The following DNASE1 variants were observed in gnomAD, a reference collection of about 807,000 sequenced individuals.
DNASE1 encodes deoxyribonuclease-1.
DNASE1 carries 40 observed loss-of-function variants against 33.9 expected under a neutral mutation model. The ratio of observed to expected loss-of-function variants is 1.18; its 90% CI spans 0.92 to 1.54. DNASE1 has a LOEUF of 1.54. DNASE1 is among the 40% of genes most tolerant of loss of function. The pLI is 0.00. For synonymous variants in DNASE1, 216 were observed against 160.0 expected (o/e 1.35, Z -2.64); for missense variants, 518 against 372.6 (o/e 1.39, Z -3.21).
Position 3,657,893 on chromosome 16 carries a change from C to T in DNASE1, c.802-13C>T. ...GTAGGCTCAGCCCAGACCCTGTGCCCACTTGCCTGCAGGCCCAAGCCATCA... is the reference window on the plus strand; with the variant it reads ...GTAGGCTCAGCCCAGACCCTGTGCCTACTTGCCTGCAGGCCCAAGCCATCA... On this transcript the variant is annotated splice_polypyrimidine_tract_variant and intron_variant, in intron 8 of 8. Coordinates refer to ENST00000246949, the MANE Select transcript of DNASE1 (RefSeq NM_005223.4). 1.9e-6 allele frequency: 3 copies of T among 1,614,022 alleles called. No individual in the cohort carries two copies. The highest frequency in any genetic ancestry group is 1.1e-5 in the South Asian group (1 of 91,080).
chr16:3,640,042 T>C (rs939360114), upstream of DNASE1, among the ~76,000 whole-genome samples: 1 of 152,190 alleles, frequency 6.6e-6, no homozygotes, highest in Non-Finnish European at 1.5e-5. Context: ...CAGTGCTGCT[T>C]TAGTCTGCAG....
Position 3,655,537 on chromosome 16 carries a change from C to G in DNASE1, c.147+17C>G. ...ATTGTGCAGGTGAGGCCAGGGCAGC[C>G]TCCCCCCAAAAGCAGAGGAGCTCTG... is the stretch of plus-strand genomic sequence containing the variant. On this transcript the variant is annotated intron_variant, in intron 2 of 8. Transcript: ENST00000246949. 6.2e-7 allele frequency: 1 copy of G among 1,613,944 alleles called. No individual in the cohort carries two copies. The highest frequency in any genetic ancestry group is 8.5e-7 in the Non-Finnish European group (1 of 1,180,022).
chr16:3,648,043 C>G (rs777138338), intron 1 of DNASE1, among the ~76,000 whole-genome samples: 1 of 152,136 alleles, frequency 6.6e-6, no homozygotes, highest in East Asian at 1.9e-4. Context: ...TGGCGCACAT[C>G]CGTAATCCCA....
intron 1 of DNASE1, among the ~76,000 whole-genome samples, chr16:3,635,882 G>A (rs1370457128): frequency 6.6e-6 from 1 of 152,004 alleles, no homozygotes; most frequent in Admixed American, 6.5e-5. Context: ...GTAGTTTATT[G>A]TATGCTTACA....
At chr16:3,657,548 C>T (rs957094057) in intron 7 of DNASE1, among the ~76,000 whole-genome samples, 172 bp from the exon 8 acceptor site, 7 of 152,172 alleles carry the variant, frequency 4.6e-5, no homozygotes, top group Admixed American at 4.6e-4. Context: ...GAGGCAGACA[C>T]CTAGGCTGTC....
At chr16:3,622,096 T>C (rs1241350941) in intron 1 of DNASE1, among the ~76,000 whole-genome samples, 3 of 151,808 alleles carry the variant, frequency 2.0e-5, no homozygotes, top group African/African-American at 7.3e-5. Context: ...GGCGCACCCC[T>C]GTAATTCCAG....
downstream of DNASE1, chr16:3,661,956 C>A: frequency 6.4e-7 from 1 of 1,564,224 alleles, no homozygotes; most frequent in Non-Finnish European, 8.7e-7. Context: ...GGGAATCCCA[C>A]AGGCTGGAAG....
chr16:3,632,666 A>C (rs1211229650), intron 1 of DNASE1, among the ~76,000 whole-genome samples: 1 of 150,864 alleles, frequency 6.6e-6, no homozygotes, highest in Non-Finnish European at 1.5e-5. Context: ...GCTCCCTGCA[A>C]CCTCCAACTC....
chr16:3,655,389 C>G lies in DNASE1; in HGVS notation c.16C>G (p.Leu6Val). 1 of 1,614,146 alleles carries G rather than the reference C, an allele frequency of 6.2e-7. No individual in the cohort carries two copies. The highest frequency in any genetic ancestry group is 8.5e-7 in the Non-Finnish European group (1 of 1,180,016). MRGMK[L>V]LGALLALAAL... is the part of the protein sequence containing the mutation. ...CTCTCCCAGGATGAGGGGCATGAAGCTGCTGGGGGCGCTGCTGGCACTGGC... is the reference window on the plus strand; with the variant it reads ...CTCTCCCAGGATGAGGGGCATGAAGGTGCTGGGGGCGCTGCTGGCACTGGC... Residue 6 changes from leucine (L) to valine (V), a missense_variant, in exon 2 of 9, where the codon CTG becomes GTG. Leu to Val is a conservative substitution (Grantham distance 32). Transcript: ENST00000246949.
At chr16:3,621,789 A>G (rs1489010448) in intron 1 of DNASE1, among the ~76,000 whole-genome samples, 1 of 152,234 alleles carries the variant, frequency 6.6e-6, no homozygotes, top group East Asian at 1.9e-4. Context: ...CTAATGGTGC[A>G]TTGAACATAC....
At chr16:3,617,308 A>G (rs1444162412) in intron 1 of DNASE1, among the ~76,000 whole-genome samples, 1 of 143,760 alleles carries the variant, frequency 7.0e-6, no homozygotes, top group Non-Finnish European at 1.5e-5. Context: ...CCTAGTCAAC[A>G]AGAGCGAAAC....
At chr16:3,662,716 C>T (rs749018732), downstream of DNASE1, 7 of 717,632 alleles carry the variant, frequency 9.8e-6, no homozygotes, top group African/African-American at 1.7e-5. Flanking sequence ...GCGGCACTCC[C>T]GAGCAACACG....
At chr16:3,643,358 C>A (rs890355028) in intron 1 of DNASE1, among the ~76,000 whole-genome samples, 1 of 152,224 alleles carries the variant, frequency 6.6e-6, no homozygotes, top group Non-Finnish European at 1.5e-5. Flanking sequence ...TTGGCAGTTT[C>A]GTGGAGTTAG....
chr16:3,647,870 T>A (rs188568529), intron 1 of DNASE1, among the ~76,000 whole-genome samples: 63 of 152,150 alleles, frequency 4.1e-4, no homozygotes, highest in South Asian at 3.1e-3. Context: ...TTTTTTTTTT[T>A]AAATTAGCCA....
intron 1 of DNASE1, among the ~76,000 whole-genome samples, chr16:3,647,085 C>G (rs1344058914): frequency 6.6e-6 from 1 of 152,128 alleles, no homozygotes; most frequent in Non-Finnish European, 1.5e-5. Flanking sequence ...GGAGTGTTTC[C>G]TAAGCAGGCG....
intron 1 of DNASE1, among the ~76,000 whole-genome samples, chr16:3,631,022 T>TTTTA (rs2041679651): frequency 6.6e-6 from 1 of 151,928 alleles, no homozygotes; most frequent in Non-Finnish European, 1.5e-5. Flanking sequence ...CCTTATAGGA[T>TTTTA]TTTATTTATT....
chr16:3,659,049 CAGGAGTGTCAGTATT>C (rs1329076366), downstream of DNASE1: 1 of 609,958 alleles, frequency 1.6e-6, no homozygotes, highest in African/African-American at 1.9e-5. Context: ...CCAAGAGAAT[CAGGAGTGTCAGTATT>C]AGAAAATGCT....
downstream of DNASE1, chr16:3,658,267 T>C: frequency 6.7e-7 from 1 of 1,502,048 alleles, no homozygotes; most frequent in Non-Finnish European, 9.1e-7. Flanking sequence ...ATGAGGGGCA[T>C]GGGGCACCTT....
chr16:3,637,049 A>C lies in DNASE1; in HGVS notation c.-1358-3666A>C, dbSNP rs150661297. ...TGAGGCAGGAGAATCGCTTGAACCC[A>C]GGAGGCAGAGGTTGCAGTCAGTAGA... On this transcript the variant is annotated intron_variant and NMD_transcript_variant, in intron 1 of 11. Coordinates refer to the DNASE1 transcript ENST00000570769. Among the ~76,000 whole-genome samples the C allele has an allele frequency of 5.7e-3, 870 of 152,088 alleles. 9 individuals are homozygous for C. Among genetic ancestry groups the C allele is most frequent in the African/African-American group, 0.019 (790 of 41,518 alleles).
Sources: gnomAD v4.1 joint callset for allele counts (sites outside exome capture counted in the v4.1 genomes callset) on GRCh38, gnomAD v4.1.1 for gene constraint, MANE v1.5 for transcripts, NCBI Gene and HGNC (gene_info 2026-07-23, HGNC 2026-07-21) for gene names.